PCSK5: variants seen among roughly 807,000 people sequenced by gnomAD.
PCSK5 encodes prohormone convertase 5.
In PCSK5, 129 loss-of-function variants were observed where a neutral mutation model predicts 233.2. The ratio of observed to expected loss-of-function variants is 0.55; its 90% CI spans 0.48 to 0.64. The LOEUF is 0.64. Among genes scored for constraint, PCSK5 ranks in the 30% least tolerant of loss-of-function variants. The pLI, the probability that PCSK5 is intolerant of heterozygous loss-of-function variation, is 0.00. For synonymous variants in PCSK5, 825 were observed against 879.2 expected (o/e 0.94, Z 1.09); for missense variants, 2,076 against 2,430.1 (o/e 0.85, Z 3.06).
intron 22 of PCSK5, among the ~76,000 whole-genome samples, chr9:76,233,933 T>A (rs983223810): frequency 1.3e-5 from 2 of 152,052 alleles, no homozygotes; most frequent in Non-Finnish European, 2.9e-5. Flanking sequence ...AGTGAAGACC[T>A]GGGGAATTAA....
intron 24 of PCSK5, among the ~76,000 whole-genome samples, chr9:76,260,386 T>C (rs1827130682): frequency 6.6e-6 from 1 of 152,198 alleles, no homozygotes; most frequent in African/African-American, 2.4e-5. Flanking sequence ...GGGAGATTAT[T>C]CTGAATTAGC....
intron 24 of PCSK5, among the ~76,000 whole-genome samples, chr9:76,248,402 C>G (rs1322992093): frequency 6.6e-6 from 1 of 151,754 alleles, no homozygotes; most frequent in East Asian, 1.9e-4. Context: ...TAAATCCATG[C>G]ATCAATAGTG....
chr9:76,360,207 A>G lies in PCSK5; in HGVS notation c.*1285A>G, dbSNP rs1830407668. On this transcript the variant is annotated 3_prime_UTR_variant, in exon 38 of 38. Transcript: ENST00000674117. ...ATTTTCAGAGAATGATGATAATTAT[A>G]ATCTATTGCACACCTACTACCAGAT... The G allele has an allele frequency of 6.6e-6, 1 of 152,176 alleles. No homozygotes were observed. Among genetic ancestry groups the G allele is most frequent in the Admixed American group, 6.5e-5 (1 of 15,268 alleles). The allele number at this position is 152,176 out of a possible 1,614,324, so 9.4% of individuals were successfully genotyped here.
intron 2 of PCSK5, among the ~76,000 whole-genome samples, chr9:75,947,436 C>T (rs945119048): frequency 6.6e-6 from 1 of 151,848 alleles, no homozygotes; most frequent in Non-Finnish European, 1.5e-5. Flanking sequence ...CTTTTTAATC[C>T]TTTCGCAAAG....
In PCSK5 at chr9:76,353,973, A is replaced by G. The variant is rs1587371503; in HGVS notation, c.5068-60A>G. 7.5e-6 allele frequency: 9 copies of G among 1,193,482 alleles called. No homozygotes were observed. The African/African-American group carries it at 7.6e-5, about 10-fold the overall frequency. The allele number at this position is 1,193,482 out of a possible 1,614,324, so 73.9% of individuals were successfully genotyped here. ...AGACAAGATGAGATACAATCTGGGA[A>G]CTCCAGTGCCTTGTTAATCCCTTTA... On this transcript the variant is annotated intron_variant, in intron 36 of 37. Coordinates refer to ENST00000674117, the MANE Select transcript of PCSK5 (RefSeq NM_001372043.1).
Position 76,238,632 on chromosome 9 carries a change from G to A in PCSK5, c.2867-327G>A, listed in dbSNP as rs1237122405. ...CACAGATACCAAAAGGAGCCTTTGG[G>A]AAAGTTAAACACATTTTGAATTGTA... On this transcript the variant is annotated intron_variant, in intron 22 of 37. Transcript: ENST00000674117. 1.8e-4 allele frequency among the ~76,000 whole-genome samples: 27 copies of A among 152,192 alleles called. 1 individual carries two copies. The highest frequency in any genetic ancestry group is 1.8e-3 in the Admixed American group (27 of 15,292).
Position 76,181,843 on chromosome 9 carries a change from G to A in PCSK5, c.2197+252G>A, listed in dbSNP as rs571507460. Among the ~76,000 whole-genome samples the A allele has an allele frequency of 7.2e-5, 11 of 152,266 alleles. No homozygotes were observed. The Middle Eastern group carries it at 0.014, about 188-fold the overall frequency. On this transcript the variant is annotated intron_variant, in intron 16 of 37. Transcript: ENST00000674117. Reference sequence around the variant, plus strand: ...TATTCACAAGGCCTGGGGTATAGTCGTGCTCATGAACTCACAGATAGGAGA... The same window carrying A: ...TATTCACAAGGCCTGGGGTATAGTCATGCTCATGAACTCACAGATAGGAGA...
At chr9:76,329,161 C>A (rs1298425895) in intron 33 of PCSK5, among the ~76,000 whole-genome samples, 1 of 151,170 alleles carries the variant, frequency 6.6e-6, no homozygotes, top group African/African-American at 2.4e-5. Flanking sequence ...GACAAGTTGG[C>A]CAGGCGCAGT....
At chr9:76,152,101 A>G (rs531410272) in intron 10 of PCSK5, among the ~76,000 whole-genome samples, 1 of 152,346 alleles carries the variant, frequency 6.6e-6, no homozygotes, top group South Asian at 2.1e-4. Flanking sequence ...ATGTAGGTGC[A>G]GGATGCCTGA....
intron 20 of PCSK5, among the ~76,000 whole-genome samples, chr9:76,212,819 A>AT (rs1825381416): frequency 6.6e-6 from 1 of 152,112 alleles, no homozygotes; most frequent in East Asian, 1.9e-4. Context: ...TTATTTTTAT[A>AT]TTTTTTTGCA....
In PCSK5 at chr9:76,298,410, C is replaced by A. The variant is rs570056273; in HGVS notation, c.3523+1545C>A. Reference sequence around the variant, plus strand: ...GATGAGAGTGTTTCTCATGGCTGGACAAAAGCAATCAAGTCAACGACAGAG... The same window carrying A: ...GATGAGAGTGTTTCTCATGGCTGGAAAAAAGCAATCAAGTCAACGACAGAG... On this transcript the variant is annotated intron_variant, in intron 27 of 37. Transcript: ENST00000674117. Among the ~76,000 whole-genome samples, 4 of 152,140 alleles carry A rather than the reference C, an allele frequency of 2.6e-5. 1 individual carries two copies. The South Asian group carries it at 8.3e-4, about 32-fold the overall frequency.
chr9:75,899,331 C>T (rs1442844039), intron 1 of PCSK5, among the ~76,000 whole-genome samples: 2 of 152,086 alleles, frequency 1.3e-5, no homozygotes, highest in East Asian at 3.9e-4. Flanking sequence ...TACAGGTAAG[C>T]AAATTTACAT....
At chr9:76,140,264 G>T (rs1304161510) in intron 10 of PCSK5, among the ~76,000 whole-genome samples, 1 of 152,082 alleles carries the variant, frequency 6.6e-6, no homozygotes, top group African/African-American at 2.4e-5. Flanking sequence ...GTTTGGAGTG[G>T]TTTTGTGATT....
chr9:75,904,129 A>G (rs1448023241), intron 1 of PCSK5, among the ~76,000 whole-genome samples: 1 of 152,114 alleles, frequency 6.6e-6, no homozygotes, highest in Non-Finnish European at 1.5e-5. Flanking sequence ...TCACGGGATG[A>G]TGTCATTGCT....
intron 7 of PCSK5, among the ~76,000 whole-genome samples, chr9:76,087,872 A>T (rs1447778559): frequency 1.3e-5 from 2 of 152,186 alleles, no homozygotes; most frequent in Non-Finnish European, 2.9e-5. Flanking sequence ...GAGGGAGTGA[A>T]GTCATGTCGC....
chr9:76,099,665 C>G (rs1039381123), intron 8 of PCSK5, among the ~76,000 whole-genome samples: 5 of 152,170 alleles, frequency 3.3e-5, no homozygotes, highest in African/African-American at 1.2e-4. Flanking sequence ...TTCTAGATAT[C>G]AGAATGACAA....
chr9:76,256,260 C>T (rs891673272), intron 24 of PCSK5, among the ~76,000 whole-genome samples: 3 of 152,234 alleles, frequency 2.0e-5, no homozygotes, highest in African/African-American at 7.2e-5. Flanking sequence ...CATGCTATTA[C>T]GCTATTTCCC....
At chr9:76,169,531 A>T (rs1040387613) in intron 12 of PCSK5, among the ~76,000 whole-genome samples, 173 bp from the exon 13 acceptor site, 7 of 151,984 alleles carry the variant, frequency 4.6e-5, no homozygotes, top group Admixed American at 1.3e-4. Context: ...ACAATGATTT[A>T]TATATATATG....
chr9:76,140,588 G>A (rs1823172456), intron 10 of PCSK5, among the ~76,000 whole-genome samples: 1 of 151,988 alleles, frequency 6.6e-6, no homozygotes, highest in Non-Finnish European at 1.5e-5. Flanking sequence ...TACCTGGAGT[G>A]GGCTAGAGAA....
Sources: gnomAD v4.1 joint callset for allele counts (sites outside exome capture counted in the v4.1 genomes callset) on GRCh38, gnomAD v4.1.1 for gene constraint, MANE v1.5 for transcripts, NCBI Gene and HGNC (gene_info 2026-07-23, HGNC 2026-07-21) for gene names.